Variants in VPS13B observed in about 807,000 individuals in gnomAD.
The protein encoded by VPS13B is vacuolar protein sorting 13 homolog B.
In VPS13B, 285 loss-of-function variants were observed where a neutral mutation model predicts 426.4. That is an observed-to-expected ratio of 0.67 (90% CI 0.61 to 0.74). The LOEUF (loss-of-function observed/expected upper bound fraction) is 0.74, where lower values mean the gene tolerates loss of function less well. Ranked by LOEUF, VPS13B falls within the 30% of genes least tolerant of loss-of-function variation. The pLI is 0.00. For synonymous variants in VPS13B, 1,676 were observed against 1,676.4 expected (o/e 1.00, Z 0.01); for missense variants, 4,537 against 4,782.6 (o/e 0.95, Z 1.51).
intron 33 of VPS13B, among the ~76,000 whole-genome samples, chr8:99,590,830 G>T (rs1180342894): frequency 6.6e-6 from 1 of 152,122 alleles, no homozygotes; most frequent in East Asian, 1.9e-4. Context: ...GGGGTGAGGA[G>T]TTACGTAGAT....
chr8:99,391,759 A>G, intron 21 of VPS13B, 55 bp downstream of exon 21: 1 of 1,591,366 alleles, frequency 6.3e-7, no homozygotes, highest in Non-Finnish European at 8.6e-7. Flanking sequence ...CTAAGCTAGC[A>G]AGTTAGCATC....
At chr8:99,084,148 C>T (rs749273030) in intron 3 of VPS13B, among the ~76,000 whole-genome samples, 1 of 152,210 alleles carries the variant, frequency 6.6e-6, no homozygotes, top group Non-Finnish European at 1.5e-5. Context: ...TGTTATTGGT[C>T]TATTCAGAGA....
At chr8:99,270,129 A>ATTTTT (rs1370378172) in intron 17 of VPS13B, among the ~76,000 whole-genome samples, 8 of 16,822 alleles carry the variant, frequency 4.8e-4, no homozygotes, top group Non-Finnish European at 7.7e-4. Context: ...AGATATAAGA[A>ATTTTT]TCTTTTTTTT....
intron 5 of VPS13B, among the ~76,000 whole-genome samples, chr8:99,103,639 A>C (rs1846884546): frequency 6.6e-6 from 1 of 151,810 alleles, no homozygotes; most frequent in Admixed American, 6.6e-5. Flanking sequence ...AGCTGGGACT[A>C]CAGGCACCTG....
chr8:99,543,678 A>C (rs1412121310), intron 30 of VPS13B, among the ~76,000 whole-genome samples: 22 of 149,934 alleles, frequency 1.5e-4, no homozygotes, highest in Non-Finnish European at 2.4e-4. Context: ...TTCTCAAAAG[A>C]AGACATTTAT....
chr8:99,087,281 G>GTGC (rs1845872322), intron 3 of VPS13B, among the ~76,000 whole-genome samples: 1 of 152,190 alleles, frequency 6.6e-6, no homozygotes, highest in Non-Finnish European at 1.5e-5. Flanking sequence ...ATCTCCTGGT[G>GTGC]TGCCGTTTGC....
intron 14 of VPS13B, among the ~76,000 whole-genome samples, chr8:99,149,262 T>C (rs1810920528): frequency 6.6e-6 from 1 of 152,232 alleles, no homozygotes; most frequent in South Asian, 2.1e-4. Context: ...TTGTTTATGG[T>C]CCATATACAA....
chr8:99,029,154 A>T (rs1375149003), intron 2 of VPS13B, among the ~76,000 whole-genome samples: 2 of 145,270 alleles, frequency 1.4e-5, no homozygotes, highest in East Asian at 4.1e-4. Context: ...GGCGGGGCAG[A>T]GGTGCTCCCC....
intron 21 of VPS13B, among the ~76,000 whole-genome samples, chr8:99,402,958 A>G (rs1422545003): frequency 6.6e-6 from 1 of 152,268 alleles, no homozygotes; most frequent in Non-Finnish European, 1.5e-5. Flanking sequence ...ACTAGCGAAT[A>G]AACATTCCTA....
At chr8:99,620,814 A>G (rs1588558031) in intron 33 of VPS13B, among the ~76,000 whole-genome samples, 1 of 151,466 alleles carries the variant, frequency 6.6e-6, no homozygotes, top group Admixed American at 6.6e-5. Context: ...TCTACTAAAA[A>G]AAAAAAATAT....
chr8:99,084,504 T>C (rs1845660954), intron 3 of VPS13B, among the ~76,000 whole-genome samples: 1 of 152,222 alleles, frequency 6.6e-6, no homozygotes, highest in African/African-American at 2.4e-5. Flanking sequence ...AGCTTTTGAA[T>C]GTGTTTGCTC....
intron 55 of VPS13B, among the ~76,000 whole-genome samples, chr8:99,850,390 T>C (rs938042627): frequency 2.7e-5 from 4 of 149,466 alleles, no homozygotes; most frequent in Non-Finnish European, 5.9e-5. Context: ...CATACATACA[T>C]AAGTACGCAT....
At chr8:99,595,140 A>G (rs928377450) in intron 33 of VPS13B, among the ~76,000 whole-genome samples, 8 of 151,950 alleles carry the variant, frequency 5.3e-5, no homozygotes, top group South Asian at 2.1e-4. Context: ...AGTCAATCCT[A>G]TATTGAGTGC....
intron 3 of VPS13B, among the ~76,000 whole-genome samples, chr8:99,039,447 T>G (rs1051776817): frequency 7.9e-5 from 12 of 152,078 alleles, no homozygotes; most frequent in African/African-American, 2.9e-4. Flanking sequence ...TTTTCCAATC[T>G]AGGAAAGCAA....
intron 24 of VPS13B, among the ~76,000 whole-genome samples, chr8:99,469,963 A>G (rs1193189062): frequency 6.6e-6 from 1 of 152,196 alleles, no homozygotes; most frequent in Non-Finnish European, 1.5e-5. Flanking sequence ...AGTTCCCACC[A>G]GAAGAAGCTA....
intron 36 of VPS13B, among the ~76,000 whole-genome samples, chr8:99,714,407 C>T (rs1195794942): frequency 1.3e-5 from 2 of 152,092 alleles, no homozygotes; most frequent in African/African-American, 4.8e-5. Flanking sequence ...AAATAGGAAA[C>T]CACCATTATC....
intron 38 of VPS13B, 48 bp downstream of exon 38, chr8:99,720,600 G>T (rs1171664315): frequency 6.3e-7 from 1 of 1,581,870 alleles, no homozygotes; most frequent in Non-Finnish European, 8.7e-7. Context: ...GCATGTGGTT[G>T]CATTTTAAAT....
In VPS13B at chr8:99,853,796, G is replaced by T; in HGVS notation, c.10407G>T (p.Leu3469Phe). ...GTCTCCTCATATCCAACAAAGAGTT[G>T]GAAGAATACAAGGAAAAATGTTTTA... is the stretch of plus-strand genomic sequence containing the variant. ...MQSLLISNKE[L>F]EEYKEKCFIK... Residue 3469 changes from leucine (L) to phenylalanine (F), a missense_variant, in exon 56 of 62, where the codon TTG (leucine) becomes TTT (phenylalanine). Leu to Phe is a conservative substitution (Grantham distance 22). Transcript: ENST00000357162. 6.2e-7 allele frequency: 1 copy of T among 1,614,184 alleles called. No homozygotes were observed. The highest frequency in any genetic ancestry group is 8.5e-7 in the Non-Finnish European group (1 of 1,180,024).
intron 39 of VPS13B, among the ~76,000 whole-genome samples, chr8:99,730,788 G>A (rs908659144): frequency 6.6e-6 from 1 of 151,622 alleles, no homozygotes; most frequent in Non-Finnish European, 1.5e-5. Flanking sequence ...GGTACCTGTA[G>A]GTACAGGTAC....
Sources: gnomAD v4.1 joint callset for allele counts (sites outside exome capture counted in the v4.1 genomes callset) on GRCh38, gnomAD v4.1.1 for gene constraint, MANE v1.5 for transcripts, NCBI Gene and HGNC (gene_info 2026-07-23, HGNC 2026-07-21) for gene names.